Variants in MEI1 observed in about 807,000 individuals in gnomAD.
MEI1 encodes meiosis inhibitor protein 1.
A neutral mutation model predicts 146.2 loss-of-function variants in MEI1; 103 were observed. The ratio of observed to expected loss-of-function variants is 0.70; its 90% CI spans 0.60 to 0.83. MEI1 has a LOEUF of 0.83. Ranked by LOEUF, MEI1 falls within the 40% of genes least tolerant of loss-of-function variation. The probability of loss-of-function intolerance (pLI) is 0.00; values close to 1 mark genes in which losing one functional copy is unlikely to be tolerated. For synonymous variants in MEI1, 652 were observed against 628.2 expected (o/e 1.04, Z -0.57); for missense variants, 1,529 against 1,533.0 (o/e 1.00, Z 0.04).
chr22:41,746,450 G>A (rs1010267585), intron 14 of MEI1, among the ~76,000 whole-genome samples: 1 of 152,174 alleles, frequency 6.6e-6, no homozygotes, highest in Non-Finnish European at 1.5e-5. Context: ...AGCTTTTCTT[G>A]TGTCTTTAAT....
chr22:41,701,792 T>C (rs894567286), intron 1 of MEI1, among the ~76,000 whole-genome samples: 10 of 152,150 alleles, frequency 6.6e-5, no homozygotes, highest in Admixed American at 1.3e-4. Context: ...AGCATTCAAA[T>C]TAGGTTTAAG....
intron 24 of MEI1, among the ~76,000 whole-genome samples, 153 bp downstream of exon 24, chr22:41,781,998 A>G (rs1224333328): frequency 6.6e-6 from 1 of 152,134 alleles, no homozygotes; most frequent in Non-Finnish European, 1.5e-5. Context: ...TTTCCTACAA[A>G]ATGGGGAAAA....
At chr22:41,790,282 C>T (rs187559597) in intron 26 of MEI1, among the ~76,000 whole-genome samples, 3 of 152,184 alleles carry the variant, frequency 2.0e-5, no homozygotes, top group Non-Finnish European at 4.4e-5. Flanking sequence ...CAGGGTTTCG[C>T]CATGTTGGCC....
intron 4 of MEI1, among the ~76,000 whole-genome samples, chr22:41,714,695 AC>A (rs1268235127): frequency 6.3e-5 from 9 of 143,508 alleles, no homozygotes; most frequent in Admixed American, 2.8e-4. Flanking sequence ...TTATGGTGAA[AC>A]CCCGTCTCTA....
At chr22:41,760,412 G>C (rs2074406116) in intron 18 of MEI1, among the ~76,000 whole-genome samples, 1 of 152,196 alleles carries the variant, frequency 6.6e-6, no homozygotes, top group Non-Finnish European at 1.5e-5. Flanking sequence ...GGGAGGCTTA[G>C]ACAGGAGAAT....
chr22:41,750,676 A>G (rs555250590), intron 15 of MEI1, among the ~76,000 whole-genome samples: 24 of 152,216 alleles, frequency 1.6e-4, no homozygotes, highest in Admixed American at 1.0e-3. Context: ...GGAGCAGTAG[A>G]GAGACTGGTT....
At chr22:41,785,879 A>T (rs1423491183) in intron 26 of MEI1, among the ~76,000 whole-genome samples, 40 of 127,012 alleles carry the variant, frequency 3.1e-4, no homozygotes, top group Non-Finnish European at 6.1e-4. Context: ...TTATTTTTTT[A>T]TTTTTTTATT....
intron 9 of MEI1, among the ~76,000 whole-genome samples, chr22:41,731,599 C>T (rs1377688955): frequency 6.6e-6 from 1 of 152,150 alleles, no homozygotes; most frequent in Non-Finnish European, 1.5e-5. Context: ...CTCAGGTGAT[C>T]TGCCTGCCTC....
intron 7 of MEI1, among the ~76,000 whole-genome samples, chr22:41,726,032 C>T (rs1159832730): frequency 6.6e-6 from 1 of 152,138 alleles, no homozygotes; most frequent in Non-Finnish European, 1.5e-5. Context: ...GTAATCCCAG[C>T]ACTTTGGGAG....
chr22:41,738,209 C>T (rs980930663), intron 11 of MEI1, among the ~76,000 whole-genome samples: 2 of 152,100 alleles, frequency 1.3e-5, no homozygotes, highest in African/African-American at 4.8e-5. Context: ...AATCCCAGCA[C>T]TTTGGGAGTC....
chr22:41,758,755 T>G (rs1207903724), intron 18 of MEI1, among the ~76,000 whole-genome samples: 2 of 152,180 alleles, frequency 1.3e-5, no homozygotes, highest in African/African-American at 4.8e-5. Flanking sequence ...AGCCAGTGAG[T>G]ATTCCTTGCT....
intron 14 of MEI1, among the ~76,000 whole-genome samples, chr22:41,747,628 C>T (rs1164652597): frequency 2.6e-5 from 4 of 151,850 alleles, no homozygotes; most frequent in Admixed American, 1.3e-4. Flanking sequence ...CGCTTGAACC[C>T]GAGAGGCAGA....
intron 30 of MEI1, among the ~76,000 whole-genome samples, chr22:41,798,876 CAAAAA>C (rs36107725): frequency 3.9e-5 from 3 of 76,528 alleles, no homozygotes; most frequent in East Asian, 3.6e-4. Context: ...GACTATGTCT[CAAAAA>C]AAAAAAAAAA....
At chr22:41,747,021 A>G (rs1043115678) in intron 14 of MEI1, among the ~76,000 whole-genome samples, 2 of 150,068 alleles carry the variant, frequency 1.3e-5, no homozygotes, top group Non-Finnish European at 3.0e-5. Flanking sequence ...TATTTTACAC[A>G]TTTTCTTTAA....
At chr22:41,782,022 T>C (rs1372662474) in intron 24 of MEI1, among the ~76,000 whole-genome samples, 177 bp downstream of exon 24, 1 of 152,222 alleles carries the variant, frequency 6.6e-6, no homozygotes, top group Non-Finnish European at 1.5e-5. Context: ...CTCAGGATTG[T>C]TGTGAGGTTG....
Position 41,771,256 on chromosome 22 carries a change from C to T in MEI1, c.2544+295C>T, listed in dbSNP as rs150353758. On this transcript the variant is annotated intron_variant, in intron 20 of 30. Coordinates refer to ENST00000401548, the MANE Select transcript of MEI1 (RefSeq NM_152513.4). ...AGATCTTAGTCACCATCCCCTCTCA[C>T]CTCCCTGTCATCTCTCAAGCAGATT... 4.5e-3 allele frequency among the ~76,000 whole-genome samples: 689 copies of T among 152,346 alleles called. 2 individuals carry two copies. Among genetic ancestry groups the T allele is most frequent in the Admixed American group, 0.011 (172 of 15,306 alleles).
intron 20 of MEI1, 70 bp downstream of exon 20, chr22:41,771,031 GAGGTC>G: frequency 1.3e-6 from 2 of 1,524,626 alleles, no homozygotes; most frequent in Non-Finnish European, 1.8e-6. Context: ...CCGGTTTACT[GAGGTC>G]AGGAGGCACC....
rs1049749628 is a variant in MEI1, at chr22:41,714,043, A to G, written c.391A>G (p.Ile131Val). 17 of 1,600,992 alleles carry G rather than the reference A, an allele frequency of 1.1e-5. No homozygotes were observed. The highest frequency in any genetic ancestry group is 1.4e-5 in the Non-Finnish European group (17 of 1,173,736). Residue 131 changes from isoleucine to valine, a missense_variant, in exon 4 of 31, where the codon ATC becomes GTC. Physicochemically the swap from Ile to Val is conservative, Grantham distance 29. Transcript: ENST00000401548. ...ITTQLKLEQT[I>V]RCLLDECHKE... ...AACGCAGCTGAAGCTGGAGCAGACT[A>G]TCCGTTGCCTGCTGGATGAGTGCCA...
chr22:41,784,150 G>A (rs907138718), intron 24 of MEI1, among the ~76,000 whole-genome samples, 189 bp from the exon 25 acceptor site: 1 of 152,208 alleles, frequency 6.6e-6, no homozygotes, highest in Non-Finnish European at 1.5e-5. Flanking sequence ...CTCCAGGTTC[G>A]GACTTGATTC....
Sources: allele counts gnomAD v4.1 joint callset (sites outside exome capture counted in the v4.1 genomes callset), GRCh38; gene constraint gnomAD v4.1.1; transcripts MANE v1.5; gene names NCBI Gene and HGNC (gene_info 2026-07-23, HGNC 2026-07-21).